The following CLNS1A variants were observed in gnomAD, a reference collection of about 807,000 sequenced individuals.
CLNS1A encodes methylosome subunit pICln.
Under a neutral mutation model 29.4 loss-of-function variants are expected in CLNS1A, and 16 were observed. The ratio of observed to expected loss-of-function variants is 0.54; its 90% confidence interval spans 0.37 to 0.83. The LOEUF (loss-of-function observed/expected upper bound fraction) is 0.83. Ranked by LOEUF, CLNS1A falls within the 40% of genes least tolerant of loss-of-function variation. The pLI, the probability that CLNS1A is intolerant of heterozygous loss-of-function variation, is 0.00. For synonymous variants in CLNS1A, 96 were observed against 104.8 expected (o/e 0.92, Z 0.51); for missense variants, 235 against 287.4 (o/e 0.82, Z 1.32).
rs1038474183 is a variant in CLNS1A at position 77,615,923 on chromosome 11, A to G, written c.*795T>C. The G allele has an allele frequency of 2.0e-5, 3 of 152,240 alleles. No individual in the cohort carries two copies. The highest frequency in any genetic ancestry group is 2.9e-5 in the Non-Finnish European group (2 of 68,042). 9.4% of individuals were successfully genotyped at this position (152,240 alleles called of 1,614,324 possible). ...TAAAAATTGAGAGTTGATAAATATA[A>G]GAAATTACTGCTGATCTAAAAGGAA... On this transcript the variant is annotated 3_prime_UTR_variant, in exon 7 of 7. Transcript: ENST00000525428.
intron 1 of CLNS1A, among the ~76,000 whole-genome samples, chr11:77,634,154 C>T (rs184125842): frequency 2.0e-5 from 3 of 152,064 alleles, no homozygotes; most frequent in South Asian, 2.1e-4. Flanking sequence ...TGAAATAAGC[C>T]GGAGATTCTA....
rs1303330469 is a variant in CLNS1A, at chr11:77,637,757, A to T, written c.-43T>A. 11 of 1,536,668 alleles carry T rather than the reference A, an allele frequency of 7.2e-6. No individual in the cohort carries two copies. Among genetic ancestry groups the T allele is most frequent in the Non-Finnish European group, 9.7e-6 (11 of 1,138,988 alleles). ...ACACAGGCCCTGAGGGAGTTGGAGC[A>T]CAGCAATGCGTGCACCACACCGCCC... On this transcript the variant is annotated 5_prime_UTR_variant, in exon 1 of 7. Transcript: ENST00000525428.
chr11:77,620,701 C>T (rs372567842), intron 5 of CLNS1A, among the ~76,000 whole-genome samples: 3 of 151,782 alleles, frequency 2.0e-5, no homozygotes, highest in Non-Finnish European at 2.9e-5. Context: ...CCCAGCTACT[C>T]GGGAGGCTGA....
intron 6 of CLNS1A, among the ~76,000 whole-genome samples, chr11:77,617,249 T>C (rs892104535): frequency 6.7e-6 from 1 of 150,064 alleles, no homozygotes; most frequent in Non-Finnish European, 1.5e-5. Context: ...ATGCCTGTAA[T>C]CCCAGCTACT....
chr11:77,617,975 C>T (rs1264677446), intron 6 of CLNS1A, among the ~76,000 whole-genome samples: 1 of 151,616 alleles, frequency 6.6e-6, no homozygotes, highest in Non-Finnish European at 1.5e-5. Flanking sequence ...TAATTCTCTG[C>T]CTCTGAGCTC....
intron 1 of CLNS1A, among the ~76,000 whole-genome samples, chr11:77,630,540 C>T (rs929470883): frequency 3.9e-5 from 6 of 152,168 alleles, no homozygotes; most frequent in Non-Finnish European, 7.4e-5. Flanking sequence ...AATTATTACC[C>T]TGAGAGACAG....
intron 5 of CLNS1A, among the ~76,000 whole-genome samples, chr11:77,621,181 T>C (rs1958954010): frequency 6.6e-6 from 1 of 152,026 alleles, no homozygotes; most frequent in Admixed American, 6.6e-5. Flanking sequence ...TAATCCCTGC[T>C]ACTCAGGAGG....
At chr11:77,636,140 G>A (rs149144384) in intron 1 of CLNS1A, among the ~76,000 whole-genome samples, 4 of 151,714 alleles carry the variant, frequency 2.6e-5, no homozygotes, top group Non-Finnish European at 4.4e-5. Context: ...GCACAATCAC[G>A]GCTCACCGCA....
intron 3 of CLNS1A, 121 bp from the exon 4 acceptor site, chr11:77,625,191 A>G: frequency 1.5e-6 from 1 of 666,360 alleles, no homozygotes; most frequent in Non-Finnish European, 2.6e-6. Flanking sequence ...AAATTGTAAG[A>G]TCAATCTTGA....
intron 1 of CLNS1A, among the ~76,000 whole-genome samples, chr11:77,636,740 T>C (rs1474523469): frequency 1.3e-5 from 2 of 152,112 alleles, no homozygotes; most frequent in Admixed American, 6.5e-5. Flanking sequence ...CTCTTAAAAG[T>C]AGAGAATTTT....
chr11:77,637,243 T>TAAAAAAAAAAAAAAAAA (rs747109219), intron 1 of CLNS1A, among the ~76,000 whole-genome samples: 10 of 43,120 alleles, frequency 2.3e-4, no homozygotes, highest in East Asian at 7.0e-4. Context: ...ATAGGCGAGT[T>TAAAAAAAAAAAAAAAAA]AAAAAAAAAA....
intron 5 of CLNS1A, among the ~76,000 whole-genome samples, chr11:77,621,558 G>A (rs570645960): frequency 1.4e-4 from 22 of 152,114 alleles, no homozygotes; most frequent in South Asian, 1.0e-3. Flanking sequence ...CAGGAGAATC[G>A]CTTGAACCCA....
chr11:77,628,704 A>G (rs1450255474), intron 2 of CLNS1A, among the ~76,000 whole-genome samples: 1 of 152,254 alleles, frequency 6.6e-6, no homozygotes, highest in East Asian at 1.9e-4. Flanking sequence ...ATAGCCTTGT[A>G]GGTAACTTCA....
chr11:77,632,631 T>TA lies in CLNS1A; in HGVS notation c.126-2733dup, dbSNP rs200643891. Among the ~76,000 whole-genome samples, 252 of 150,142 alleles carry TA rather than the reference T, an allele frequency of 1.7e-3. 2 individuals carry two copies. In the East Asian group the frequency reaches 0.031, roughly 19 times the overall value. On this transcript the variant is annotated intron_variant, in intron 1 of 6. Transcript: ENST00000525428. ...TCTAATCGTTAAATTCTTTTTTTTT[T>TA]AAATAAAAAAAGAAAAGAAACCCTA... is the stretch of plus-strand genomic sequence containing the variant.
intron 5 of CLNS1A, among the ~76,000 whole-genome samples, chr11:77,620,798 A>C (rs1453179421): frequency 6.6e-6 from 1 of 152,092 alleles, no homozygotes; most frequent in African/African-American, 2.4e-5. Context: ...CCTGGCCAAC[A>C]TGGTGAAACC....
At chr11:77,620,863 T>A (rs904755607) in intron 5 of CLNS1A, among the ~76,000 whole-genome samples, 1 of 150,640 alleles carries the variant, frequency 6.6e-6, no homozygotes, top group Non-Finnish European at 1.5e-5. Context: ...ATGCCTGTAA[T>A]CCCAACTACT....
chr11:77,625,520 C>T, intron 3 of CLNS1A, 197 bp downstream of exon 3: 1 of 542,154 alleles, frequency 1.8e-6, no homozygotes, highest in East Asian at 3.0e-5. Context: ...ACAATATTCT[C>T]ACTACATTCA....
At chr11:77,626,650 A>T (rs536453889) in intron 2 of CLNS1A, among the ~76,000 whole-genome samples, 28 of 151,722 alleles carry the variant, frequency 1.8e-4, no homozygotes, top group African/African-American at 6.5e-4. Flanking sequence ...AAAAAAAAAA[A>T]TGCTGGGGTT....
intron 2 of CLNS1A, among the ~76,000 whole-genome samples, chr11:77,627,045 A>G (rs1418683019): frequency 6.6e-6 from 1 of 151,914 alleles, no homozygotes; most frequent in Non-Finnish European, 1.5e-5. Flanking sequence ...AGAGAAAAAA[A>G]AAAAACTTAG....
Sources: allele counts gnomAD v4.1 joint callset (sites outside exome capture counted in the v4.1 genomes callset), GRCh38; gene constraint gnomAD v4.1.1; transcripts MANE v1.5; gene names NCBI Gene and HGNC (gene_info 2026-07-23, HGNC 2026-07-21).